Variants in SHISA6 observed in about 807,000 individuals in gnomAD.
The protein encoded by SHISA6 is shisa family member 6.
A neutral mutation model predicts 47.9 loss-of-function variants in SHISA6; 22 were observed. The observed-to-expected ratio is 0.46, with a 90% CI of 0.33 to 0.66. The LOEUF (loss-of-function observed/expected upper bound fraction) is 0.66, where lower values mean the gene tolerates loss of function less well. Ranked by LOEUF, SHISA6 falls within the 30% of genes least tolerant of loss-of-function variation. The pLI, the probability that SHISA6 is intolerant of heterozygous loss-of-function variation, is 0.02. For missense variants in SHISA6, 680 were observed against 764.6 expected (o/e 0.89, Z 1.30); for synonymous variants, 388 against 337.8 (o/e 1.15, Z -1.63).
At position 11,555,891 on chromosome 17, in the gene SHISA6, A is replaced by G. The variant is rs546084311; in HGVS notation, c.1104A>G (p.Leu368=). 5.3e-6 allele frequency: 8 copies of G among 1,520,642 alleles called. No homozygotes were observed. In the East Asian group the frequency reaches 2.0e-4, roughly 38 times the overall value. 94.2% of individuals were successfully genotyped at this position (1,520,642 alleles called of 1,614,324 possible). ...NPSKYSSLKR[L]TDKEADEYYM... ...GCAAGTATTCATCTCTGAAGAGGCT[A>G]AGTAAGTTGAATTTCCCCCAAGTTG... The change falls in exon 5 of 6, where the codon CTA becomes CTG. Residue 368 remains leucine (L), a splice_region_variant and synonymous_variant. Transcript: ENST00000441885.
At chr17:11,359,112 G>T (rs1352693801) in intron 2 of SHISA6, among the ~76,000 whole-genome samples, 2 of 152,100 alleles carry the variant, frequency 1.3e-5, no homozygotes, top group Non-Finnish European at 2.9e-5. Context: ...GTACATTCAT[G>T]GTGATTTTTG....
At chr17:11,337,907 A>G (rs1012481498) in intron 2 of SHISA6, among the ~76,000 whole-genome samples, 2 of 152,328 alleles carry the variant, frequency 1.3e-5, no homozygotes, top group South Asian at 4.1e-4. Context: ...ACGCTACTAC[A>G]GAAGATGTGT....
At chr17:11,405,809 G>C (rs995841280) in intron 3 of SHISA6, among the ~76,000 whole-genome samples, 1 of 151,468 alleles carries the variant, frequency 6.6e-6, no homozygotes, top group African/African-American at 2.4e-5. Context: ...AAAAAGAAAA[G>C]AAAAAAAATT....
rs908495497 is a variant in SHISA6 at position 11,450,139 on chromosome 17, C to CCTCCCGAAGTGCTGGGA, written c.895+70631_895+70647dup. 2.6e-4 allele frequency among the ~76,000 whole-genome samples: 40 copies of CCTCCCGAAGTGCTGGGA among 151,968 alleles called. 1 individual carries two copies. Among genetic ancestry groups the CCTCCCGAAGTGCTGGGA allele is most frequent in the Admixed American group, 1.5e-3 (23 of 15,266 alleles). ...TGACCTCGTGATCCACCCGCCTCGG[C>CCTCCCGAAGTGCTGGGA]CTCCCGAAGTGCTGGGATTACAGGC... On this transcript the variant is annotated intron_variant, in intron 3 of 5. Transcript: ENST00000441885.
At chr17:11,279,361 A>G (rs187429146) in intron 2 of SHISA6, among the ~76,000 whole-genome samples, 38 of 152,280 alleles carry the variant, frequency 2.5e-4, no homozygotes, top group African/African-American at 8.2e-4. Context: ...GACAATAAAC[A>G]TAAAGCAACA....
chr17:11,490,682 C>T (rs1350764240), intron 3 of SHISA6, among the ~76,000 whole-genome samples: 1 of 152,172 alleles, frequency 6.6e-6, no homozygotes. Flanking sequence ...GGCTCCCAGC[C>T]GTGGTGGTCA....
intron 2 of SHISA6, among the ~76,000 whole-genome samples, chr17:11,371,921 T>A (rs55756740): frequency 6.6e-6 from 1 of 152,114 alleles, no homozygotes; most frequent in Admixed American, 6.5e-5. Flanking sequence ...TAATAGATTG[T>A]GTTCATGATT....
intron 3 of SHISA6, among the ~76,000 whole-genome samples, chr17:11,401,150 C>T (rs1424590096): frequency 6.6e-6 from 1 of 152,176 alleles, no homozygotes; most frequent in Non-Finnish European, 1.5e-5. Context: ...TTGGCATCTT[C>T]CTATACCTGG....
At chr17:11,483,735 A>T (rs1597543763) in intron 3 of SHISA6, among the ~76,000 whole-genome samples, 2 of 152,124 alleles carry the variant, frequency 1.3e-5, no homozygotes, top group East Asian at 3.9e-4. Flanking sequence ...AGGTGGGAGG[A>T]TTGCTTGAGG....
intron 3 of SHISA6, among the ~76,000 whole-genome samples, chr17:11,431,514 G>A (rs574917914): frequency 1.3e-5 from 2 of 152,338 alleles, no homozygotes; most frequent in South Asian, 4.1e-4. Context: ...CATCCTTCTA[G>A]AGGAAATGAT....
At chr17:11,323,771 C>G (rs532066585) in intron 2 of SHISA6, among the ~76,000 whole-genome samples, 1 of 152,164 alleles carries the variant, frequency 6.6e-6, no homozygotes, top group South Asian at 2.1e-4. Flanking sequence ...TTGCAGCACG[C>G]CAATGACCCC....
At chr17:11,388,838 A>T (rs1250087587) in intron 3 of SHISA6, among the ~76,000 whole-genome samples, 4,482 of 109,604 alleles carry the variant, frequency 0.041, 305 homozygotes, top group Admixed American at 0.097. Flanking sequence ...ATATATATAT[A>T]TATTTTAAAA....
intron 3 of SHISA6, among the ~76,000 whole-genome samples, chr17:11,397,191 C>T (rs182320365): frequency 2.9e-4 from 44 of 152,098 alleles, no homozygotes; most frequent in Non-Finnish European, 1.5e-4. Flanking sequence ...CTACTTAGTT[C>T]CAAGTGCTTG....
intron 1 of SHISA6, among the ~76,000 whole-genome samples, chr17:11,262,547 G>A (rs1908268772): frequency 6.6e-6 from 1 of 152,200 alleles, no homozygotes; most frequent in Non-Finnish European, 1.5e-5. Flanking sequence ...CCCCTAGATG[G>A]CAGGAATTGG....
chr17:11,393,730 TA>T (rs1254168348), intron 3 of SHISA6, among the ~76,000 whole-genome samples: 1 of 152,178 alleles, frequency 6.6e-6, no homozygotes, highest in Non-Finnish European at 1.5e-5. Context: ...TATTCTGTGG[TA>T]AAAAACATGA....
chr17:11,356,948 G>A (rs1043461050), intron 2 of SHISA6, among the ~76,000 whole-genome samples: 20 of 152,092 alleles, frequency 1.3e-4, no homozygotes, highest in Middle Eastern at 3.4e-3. Flanking sequence ...TGAGGCAGGC[G>A]GATCATGAGG....
chr17:11,406,728 G>T (rs1394049227), intron 3 of SHISA6, among the ~76,000 whole-genome samples: 1 of 152,072 alleles, frequency 6.6e-6, no homozygotes, highest in Non-Finnish European at 1.5e-5. Flanking sequence ...ATTAATCAAT[G>T]GTCCCTCTCC....
rs1907773006 is a variant in SHISA6, at chr17:11,250,821, C to T, written c.638+8761C>T. ...AGCTTACACAACCCCATCACTCATG[C>T]AAGCCCACAAGCCAGAGTTGGAGAG... On this transcript the variant is annotated intron_variant, in intron 1 of 5. Coordinates refer to ENST00000441885, the MANE Select transcript of SHISA6 (RefSeq NM_207386.4). Among the ~76,000 whole-genome samples the T allele has an allele frequency of 2.0e-5, 3 of 151,872 alleles. No individual in the cohort carries two copies. In the South Asian group the frequency reaches 6.2e-4, roughly 32 times the overall value.
chr17:11,361,460 C>G (rs143587370), intron 2 of SHISA6, among the ~76,000 whole-genome samples: 36 of 152,178 alleles, frequency 2.4e-4, no homozygotes, highest in African/African-American at 8.4e-4. Context: ...TTAATCTCAC[C>G]CAGCTCCCTA....
Sources: gnomAD v4.1 joint callset for allele counts (sites outside exome capture counted in the v4.1 genomes callset) on GRCh38, gnomAD v4.1.1 for gene constraint, MANE v1.5 for transcripts, NCBI Gene and HGNC (gene_info 2026-07-23, HGNC 2026-07-21) for gene names.